Variants in DPY19L1 observed in about 807,000 individuals in gnomAD.
DPY19L1 encodes the protein protein C-mannosyl-transferase DPY19L1.
A neutral mutation model predicts 96.9 loss-of-function variants in DPY19L1; 35 were observed. That is an observed-to-expected ratio of 0.36 (90% CI 0.28 to 0.48). The LOEUF (loss-of-function observed/expected upper bound fraction) is 0.48, where lower values mean the gene tolerates loss of function less well. Among genes scored for constraint, DPY19L1 ranks in the 20% least tolerant of loss-of-function variants. DPY19L1 has a pLI of 0.99. For synonymous variants in DPY19L1, 205 were observed against 252.6 expected, an observed-to-expected ratio of 0.81 and a Z score of 1.79; for missense variants, 521 against 777.9, an observed-to-expected ratio of 0.67 and a Z score of 3.93.
intron 1 of DPY19L1, among the ~76,000 whole-genome samples, chr7:35,027,269 G>A (rs1289040231): frequency 7.2e-5 from 11 of 151,946 alleles, no homozygotes; most frequent in East Asian, 1.9e-4. Flanking sequence ...AGCACTTAAC[G>A]ACCTTGAGTA....
At chr7:34,957,858 A>G (rs1446606546) in intron 11 of DPY19L1, 126 bp downstream of exon 11, 11 of 611,598 alleles carry the variant, frequency 1.8e-5, no homozygotes, top group Non-Finnish European at 3.1e-5. Flanking sequence ...CCATACATCT[A>G]GAATATTCAG....
chr7:34,983,532 A>C (rs1784983506), intron 7 of DPY19L1, among the ~76,000 whole-genome samples: 1 of 145,962 alleles, frequency 6.9e-6, no homozygotes, highest in South Asian at 2.3e-4. Flanking sequence ...GGAAGAAAGG[A>C]AGGCAAGAAG....
intron 6 of DPY19L1, among the ~76,000 whole-genome samples, chr7:35,005,430 C>G (rs1785527400): frequency 6.6e-6 from 1 of 151,254 alleles, no homozygotes; most frequent in South Asian, 2.1e-4. Context: ...GGACCAGGGC[C>G]TCGCTGCTGG....
Position 35,011,441 on chromosome 7 carries a change from C to T in DPY19L1, c.559G>A (p.Ala187Thr). 6.3e-7 allele frequency: 1 copy of T among 1,598,838 alleles called. No homozygotes were observed. Among genetic ancestry groups the T allele is most frequent in the Non-Finnish European group, 8.5e-7 (1 of 1,175,806 alleles). The change falls in exon 5 of 22, where the codon GCC becomes ACC. Residue 187 changes from alanine to threonine, a missense_variant. Coordinates refer to ENST00000638088, the MANE Select transcript of DPY19L1 (RefSeq NM_001366673.1). ...TTGGTATAAATCCGGTACCAACTGG[C>T]CAAAATTACCTATTTTAAAAAATAC... ...RFNLYPEVIL[A>T]SWYRIYTKIM...
intron 21 of DPY19L1, among the ~76,000 whole-genome samples, chr7:34,932,942 G>C (rs990170400): frequency 2.0e-5 from 3 of 151,930 alleles, no homozygotes; most frequent in Non-Finnish European, 2.9e-5. Flanking sequence ...TCCACCATGA[G>C]GCAAACACCG....
At position 35,013,655 on chromosome 7, in the gene DPY19L1, C is replaced by A; in HGVS notation, c.462G>T (p.Leu154Phe). The change falls in exon 4 of 22, where the codon TTG (leucine) becomes TTT (phenylalanine). Residue 154 changes from leucine (L) to phenylalanine (F), a missense_variant. Transcript: ENST00000638088. Reference sequence around the variant, plus strand: ...CATTCATAATCATCCATACTCCATTCAAAAATGAGGGTGCTTCCACAATAG... The same window carrying A: ...CATTCATAATCATCCATACTCCATTAAAAAATGAGGGTGCTTCCACAATAG... ...FKTIVEAPSFLNGVWMIMNDK... is the reference protein window; with the variant it reads ...FKTIVEAPSFFNGVWMIMNDK... 6.2e-7 allele frequency: 1 copy of A among 1,605,432 alleles called. No homozygotes were observed.
Position 34,929,669 on chromosome 7 carries a change from C to T in DPY19L1, c.*1904G>A, listed in dbSNP as rs1419907606. ...ATCACAGATAAGCAGCGCGCACCTCCCTCTCCCTGCTCATGTCAACTCCCA... is the reference window on the plus strand; with the variant it reads ...ATCACAGATAAGCAGCGCGCACCTCTCTCTCCCTGCTCATGTCAACTCCCA... On this transcript the variant is annotated 3_prime_UTR_variant, in exon 22 of 22. Coordinates refer to ENST00000638088, the MANE Select transcript of DPY19L1 (RefSeq NM_001366673.1). 6.6e-6 allele frequency: 1 copy of T among 152,182 alleles called. No individual in the cohort carries two copies. Among genetic ancestry groups the T allele is most frequent in the Non-Finnish European group, 1.5e-5 (1 of 68,046 alleles). The allele number at this position is 152,182 out of a possible 1,614,324, so 9.4% of individuals were successfully genotyped here.
At chr7:35,028,009 A>G (rs1786168206) in intron 1 of DPY19L1, among the ~76,000 whole-genome samples, 1 of 152,238 alleles carries the variant, frequency 6.6e-6, no homozygotes, top group Non-Finnish European at 1.5e-5. Flanking sequence ...TCCAACAGTT[A>G]AGAAAAAATT....
chr7:34,942,135 A>C (rs1784033448), intron 17 of DPY19L1, among the ~76,000 whole-genome samples: 1 of 152,206 alleles, frequency 6.6e-6, no homozygotes, highest in Non-Finnish European at 1.5e-5. Context: ...AATAAAGCCC[A>C]CATTTTTTAA....
intron 6 of DPY19L1, among the ~76,000 whole-genome samples, chr7:35,000,974 T>A (rs866356998): frequency 1.3e-5 from 2 of 152,186 alleles, no homozygotes; most frequent in African/African-American, 4.8e-5. Context: ...AGAGCACACG[T>A]TTTGGAGCCA....
chr7:35,033,534 C>T (rs1356840001), intron 1 of DPY19L1, among the ~76,000 whole-genome samples: 1 of 152,102 alleles, frequency 6.6e-6, no homozygotes, highest in Admixed American at 6.5e-5. Flanking sequence ...TTATTTTTTA[C>T]CATAATCAGA....
intron 21 of DPY19L1, among the ~76,000 whole-genome samples, chr7:34,932,721 T>G (rs1783779646): frequency 6.6e-6 from 1 of 152,214 alleles, no homozygotes; most frequent in African/African-American, 2.4e-5. Flanking sequence ...AACAGTACCA[T>G]TTATCTTAAA....
At chr7:34,970,151 G>T (rs547243614) in intron 8 of DPY19L1, among the ~76,000 whole-genome samples, 1 of 152,078 alleles carries the variant, frequency 6.6e-6, no homozygotes, top group Non-Finnish European at 1.5e-5. Flanking sequence ...GTGAGCCAAC[G>T]CAAAGCCCCC....
chr7:34,979,969 G>A (rs541465841), intron 7 of DPY19L1, among the ~76,000 whole-genome samples: 106 of 151,834 alleles, frequency 7.0e-4, no homozygotes, highest in African/African-American at 2.4e-3. Flanking sequence ...CAATACTGAC[G>A]AAGAACAAGG....
intron 10 of DPY19L1, among the ~76,000 whole-genome samples, chr7:34,959,925 T>TA (rs1562806987): frequency 6.1e-4 from 78 of 127,952 alleles, no homozygotes; most frequent in South Asian, 1.1e-3. Flanking sequence ...ATATATATAT[T>TA]TATATATATA....
At chr7:35,035,619 A>T (rs1329945152) in intron 1 of DPY19L1, among the ~76,000 whole-genome samples, 2 of 152,218 alleles carry the variant, frequency 1.3e-5, no homozygotes, top group Non-Finnish European at 2.9e-5. Context: ...TACAACAACT[A>T]CAATGTGTCA....
At chr7:35,026,186 A>AT (rs1786115912) in intron 1 of DPY19L1, among the ~76,000 whole-genome samples, 1 of 152,190 alleles carries the variant, frequency 6.6e-6, no homozygotes, top group African/African-American at 2.4e-5. Flanking sequence ...ACAAAATGTA[A>AT]TGTGAGAATC....
intron 1 of DPY19L1, 23 bp downstream of exon 1, chr7:35,037,074 G>A (rs949203206): frequency 1.9e-4 from 41 of 217,228 alleles, no homozygotes; most frequent in African/African-American, 9.1e-4. Context: ...CGTCCCGGCG[G>A]CGCCGGCGCT....
intron 6 of DPY19L1, among the ~76,000 whole-genome samples, chr7:34,990,706 G>C (rs761242785): frequency 6.6e-6 from 1 of 152,074 alleles, no homozygotes. Flanking sequence ...TCTGGGTAGG[G>C]GACATAAGGC....
Sources: gnomAD v4.1 joint callset for allele counts (sites outside exome capture counted in the v4.1 genomes callset) on GRCh38, gnomAD v4.1.1 for gene constraint, MANE v1.5 for transcripts, NCBI Gene and HGNC (gene_info 2026-07-23, HGNC 2026-07-21) for gene names.